Variants in PEX5 observed in about 807,000 individuals in gnomAD.
PEX5 encodes the protein peroxisomal biogenesis factor 5, also known as PTS1 receptor.
A neutral mutation model predicts 82.9 loss-of-function variants in PEX5; 52 were observed. The ratio of observed to expected loss-of-function variants is 0.63; its 90% CI spans 0.50 to 0.79. PEX5 has a LOEUF of 0.79. PEX5 is among the 30% of genes least tolerant of loss of function. The pLI is 0.00. For synonymous variants in PEX5, 300 were observed against 318.8 expected, an observed-to-expected ratio of 0.94 and a Z score of 0.63; for missense variants, 719 against 815.2, an observed-to-expected ratio of 0.88 and a Z score of 1.44.
downstream of PEX5, among the ~76,000 whole-genome samples, chr12:7,212,000 T>C (rs1013311023): frequency 6.6e-6 from 1 of 151,774 alleles, no homozygotes; most frequent in African/African-American, 2.4e-5. Context: ...TGTTTCACTC[T>C]TTTTGCCCAG....
chr12:7,208,151 C>A, intron 12 of PEX5, 71 bp downstream of exon 12: 1 of 1,131,182 alleles, frequency 8.8e-7, no homozygotes, highest in Non-Finnish European at 1.3e-6. Context: ...TGACAGAAGC[C>A]CAGACCTGGA....
downstream of PEX5, among the ~76,000 whole-genome samples, chr12:7,213,714 A>G (rs1414969556): frequency 6.7e-6 from 1 of 149,762 alleles, no homozygotes; most frequent in Non-Finnish European, 1.5e-5. Context: ...ACAAAAGACA[A>G]AATTGACAAA....
Position 7,191,551 on chromosome 12 carries a change from C to G in PEX5, c.317-18C>G. On this transcript the variant is annotated intron_variant, in intron 4 of 15. Coordinates refer to ENST00000675855, the MANE Select transcript of PEX5 (RefSeq NM_001351132.2). ...TATGTATGTATTCTTTCTTAGTTTT[C>G]TCTCTCTCTCTTTTAAGCCCCTGGT... 8 of 1,597,096 alleles carry G rather than the reference C, an allele frequency of 5.0e-6. No individual in the cohort carries two copies. Among genetic ancestry groups the G allele is most frequent in the African/African-American group, 1.3e-5 (1 of 74,688 alleles).
At chr12:7,201,332 T>C (rs76285624) in intron 6 of PEX5, among the ~76,000 whole-genome samples, 2,144 of 108,548 alleles carry the variant, frequency 0.02, 42 homozygotes, top group African/African-American at 0.08. Flanking sequence ...CATACACACA[T>C]ACACGTATAT....
chr12:7,203,223 ACAT>A (rs1944360087), intron 9 of PEX5, among the ~76,000 whole-genome samples: 2 of 106,678 alleles, frequency 1.9e-5, no homozygotes, highest in African/African-American at 7.5e-5. Flanking sequence ...GCACTGCACT[ACAT>A]TACATTTCTG....
rs757453481 is a variant in PEX5, at chr12:7,202,567, T to C, written c.754-45T>C. On this transcript the variant is annotated intron_variant, in intron 8 of 15. Transcript: ENST00000675855. ...GGGTATTTAGTGTGCGTCTGATGGA[T>C]AGAAAGTTGGTGGTAGTGGTACTGA... 1.3e-5 allele frequency: 20 copies of C among 1,540,582 alleles called. No individual in the cohort carries two copies. In the African/African-American group the frequency reaches 2.2e-4, roughly 17 times the overall value.
In PEX5 at chr12:7,197,365, T is replaced by TTATATATGTCATATACAATGTAATAATTA. The variant is rs1565688407; in HGVS notation, c.449-1621_449-1593dup. On this transcript the variant is annotated intron_variant, in intron 5 of 15. Coordinates refer to ENST00000675855, the MANE Select transcript of PEX5 (RefSeq NM_001351132.2). Reference sequence around the variant, plus strand: ...ATATATGTCATATACAATGTAATAATTATATATGTCATATACAATGTAATA... The same window carrying TTATATATGTCATATACAATGTAATAATTA: ...ATATATGTCATATACAATGTAATAATTATATATGTCATATACAATGTAATAATTATATATATGTCATATACAATGTAATA... Among the ~76,000 whole-genome samples, 21 of 62,022 alleles carry TTATATATGTCATATACAATGTAATAATTA rather than the reference T, an allele frequency of 3.4e-4. 2 individuals are homozygous for TTATATATGTCATATACAATGTAATAATTA. The highest frequency in any genetic ancestry group is 1.5e-3 in the African/African-American group (17 of 11,048). The allele number at this position is 62,022 out of a possible 152,430, so 40.7% of individuals were successfully genotyped here.
chr12:7,210,280 G>A lies in PEX5; in HGVS notation c.*57G>A, dbSNP rs1215364615. 1 of 1,544,992 alleles carries A rather than the reference G, an allele frequency of 6.5e-7. No homozygotes were observed. The highest frequency in any genetic ancestry group is 8.9e-7 in the Non-Finnish European group (1 of 1,120,826). ...CTGGAGGGATCCCCGCTTTGGATGT[G>A]ATTCCCTCTCCCCAAATGGGCCTAC... On this transcript the variant is annotated 3_prime_UTR_variant, in exon 16 of 16. Coordinates refer to ENST00000675855, the MANE Select transcript of PEX5 (RefSeq NM_001351132.2).
intron 3 of PEX5, 94 bp downstream of exon 3, chr12:7,191,017 T>C: frequency 7.6e-7 from 1 of 1,313,372 alleles, no homozygotes. Flanking sequence ...ATTTTTGGGC[T>C]TTCCTGACCG....
At chr12:7,190,837 C>G in intron 2 of PEX5, 51 bp from the exon 3 acceptor site, 4 of 1,572,148 alleles carry the variant, frequency 2.5e-6, no homozygotes, top group Non-Finnish European at 3.5e-6. Context: ...TTCATCAACC[C>G]CTGATTTTAG....
At chr12:7,201,873 C>T (rs1365841924) in intron 7 of PEX5, 32 bp downstream of exon 7, 2 of 1,507,388 alleles carry the variant, frequency 1.3e-6, no homozygotes, top group Non-Finnish European at 1.8e-6. Context: ...CTTTGCCCAG[C>T]AGAGCTGGTT....
intron 17 of PEX5, among the ~76,000 whole-genome samples, chr12:7,217,771 T>C (rs1413270593): frequency 6.6e-6 from 1 of 152,180 alleles, no homozygotes; most frequent in Non-Finnish European, 1.5e-5. Flanking sequence ...ACACCCAAGC[T>C]GGAAATGACT....
In PEX5 at chr12:7,195,613, GT is replaced by G. The variant is rs569657756; in HGVS notation, c.449-3385del. Among the ~76,000 whole-genome samples, 255 of 136,176 alleles carry G rather than the reference GT, an allele frequency of 1.9e-3. 1 individual carries two copies. The highest frequency in any genetic ancestry group is 2.9e-3 in the Non-Finnish European group (182 of 62,144). The allele number at this position is 136,176 out of a possible 152,430, so 89.3% of individuals were successfully genotyped here. ...TTCAAAGGTGCTTTGTGTTTTTTCT[GT>G]TTTTTTTTTTTTGTCCTTGAGAGGA... On this transcript the variant is annotated intron_variant, in intron 5 of 15. Transcript: ENST00000675855.
intron 10 of PEX5, among the ~76,000 whole-genome samples, chr12:7,205,162 A>G (rs1394123113): frequency 2.0e-5 from 3 of 152,106 alleles, no homozygotes; most frequent in Non-Finnish European, 4.4e-5. Flanking sequence ...TCCAGAATAC[A>G]TTTTTTAATT....
intron 6 of PEX5, 116 bp downstream of exon 6, chr12:7,199,229 T>C (rs1591721063): frequency 2.1e-6 from 1 of 467,836 alleles, no homozygotes; most frequent in East Asian, 4.6e-5. Flanking sequence ...TTTTTTTTTA[T>C]CATTCTTGGG....
chr12:7,201,653 C>T, intron 6 of PEX5, 98 bp from the exon 7 acceptor site: 1 of 878,570 alleles, frequency 1.1e-6, no homozygotes, highest in Admixed American at 1.8e-5. Context: ...AATGGAGTTC[C>T]CTCACAGGAA....
intron 12 of PEX5, among the ~76,000 whole-genome samples, 171 bp from the exon 13 acceptor site, chr12:7,208,286 G>T (rs1945070945): frequency 6.6e-6 from 1 of 152,174 alleles, no homozygotes; most frequent in Non-Finnish European, 1.5e-5. Context: ...CTCCTTGCCT[G>T]CTAAAACCTT....
chr12:7,202,121 T>A, intron 7 of PEX5, 120 bp from the exon 8 acceptor site: 1 of 1,486,854 alleles, frequency 6.7e-7, no homozygotes, highest in Non-Finnish European at 9.4e-7. Context: ...CTTTAGCATA[T>A]CTTGTCTGCA....
At chr12:7,205,763 GT>G (rs1340621371) in intron 10 of PEX5, among the ~76,000 whole-genome samples, 3 of 152,296 alleles carry the variant, frequency 2.0e-5, no homozygotes, top group Non-Finnish European at 2.9e-5. Flanking sequence ...TTCAAGGAGG[GT>G]AGATAATATG....
Sources: allele counts gnomAD v4.1 joint callset (sites outside exome capture counted in the v4.1 genomes callset), GRCh38; gene constraint gnomAD v4.1.1; transcripts MANE v1.5; gene names NCBI Gene and HGNC (gene_info 2026-07-23, HGNC 2026-07-21).